CHRM1: variants seen among roughly 807,000 people sequenced by gnomAD.
CHRM1 encodes the protein muscarinic acetylcholine receptor M1.
In CHRM1, 5 loss-of-function variants were observed where a neutral mutation model predicts 31.6. The observed-to-expected ratio is 0.16, with a 90% CI of 0.08 to 0.33. The LOEUF (loss-of-function observed/expected upper bound fraction) is 0.33. CHRM1 is among the 10% of genes least tolerant of loss of function. CHRM1 has a pLI of 1.00. For missense variants in CHRM1, 338 were observed against 610.3 expected, an observed-to-expected ratio of 0.55 and a Z score of 4.70; for synonymous variants, 227 against 249.7, an observed-to-expected ratio of 0.91 and a Z score of 0.86.
chr11:62,911,981 C>T (rs936894558), intron 1 of CHRM1, among the ~76,000 whole-genome samples: 2 of 151,942 alleles, frequency 1.3e-5, no homozygotes, highest in African/African-American at 4.8e-5. Context: ...GGTTTACATA[C>T]GTATGTAGGG....
At chr11:62,913,818 G>A (rs2085885735) in intron 1 of CHRM1, among the ~76,000 whole-genome samples, 1 of 152,068 alleles carries the variant, frequency 6.6e-6, no homozygotes, top group Admixed American at 6.5e-5. Flanking sequence ...ATCTTAACAG[G>A]AGCCTAGGAT....
chr11:62,911,283 C>A (rs1274947099), intron 1 of CHRM1, 105 bp from the exon 2 acceptor site: 7 of 618,268 alleles, frequency 1.1e-5, no homozygotes, highest in African/African-American at 3.7e-5. Flanking sequence ...AGCTTCAGAC[C>A]AGATAGCATC....
rs763230269 is a variant in CHRM1 at position 62,910,959 on chromosome 11, T to C, written c.142A>G (p.Ile48Val). 21 of 1,614,006 alleles carry C rather than the reference T, an allele frequency of 1.3e-5. No homozygotes were observed. The highest frequency in any genetic ancestry group is 1.8e-5 in the Non-Finnish European group (21 of 1,180,040). The part of the protein sequence containing the change: ...ATVTGNLLVL[I>V]SFKVNTELKT... ...AGCTCCGTGTTGACCTTGAAAGAGATGAGTACCAGCAGGTTGCCTGTCACT... is the reference window on the plus strand; with the variant it reads ...AGCTCCGTGTTGACCTTGAAAGAGACGAGTACCAGCAGGTTGCCTGTCACT... Residue 48 changes from isoleucine (I) to valine (V), a missense_variant, in exon 2 of 2, where the codon ATC (isoleucine) becomes GTC (valine). Physicochemically the swap from Ile to Val is conservative, Grantham distance 29. Transcript: ENST00000306960. This position sits in a 1 kb window ranked among gnomAD's most constrained non-coding sequence, Gnocchi z 8.7.
In CHRM1 at chr11:62,910,293, G is replaced by C; in HGVS notation, c.808C>G (p.Gln270Glu). 6.2e-7 allele frequency: 1 copy of C among 1,612,740 alleles called. No homozygotes were observed. Among genetic ancestry groups the C allele is most frequent in the African/African-American group, 1.3e-5 (1 of 75,046 alleles). Residue 270 changes from glutamine to glutamate, a missense_variant, in exon 2 of 2, where the codon CAG becomes GAG. Physicochemically the swap from Gln to Glu is conservative, Grantham distance 29 (BLOSUM62 2). Around this residue, in one of 4 missense-constraint regions of CHRM1, gnomAD observed 183 missense variants for 223.4 expected, o/e 0.82. Coordinates refer to ENST00000306960, the MANE Select transcript of CHRM1 (RefSeq NM_000738.3). This position sits in a 1 kb window ranked among gnomAD's most constrained non-coding sequence, Gnocchi z 8.7. ...CRCCRAPRLL[Q>E]AYSWKEEEEE... ...TCTTCTTCCTTCCAGCTGTAGGCCT[G>C]CAGCAGCCTGGGGGCCCGGCAGCAG...
intron 1 of CHRM1, among the ~76,000 whole-genome samples, chr11:62,912,750 G>A (rs890131150): frequency 3.9e-5 from 6 of 152,246 alleles, no homozygotes; most frequent in African/African-American, 1.4e-4. Context: ...GTCCCTTCCT[G>A]CTCTGGGCCT....
intron 1 of CHRM1, among the ~76,000 whole-genome samples, chr11:62,912,830 A>T (rs1194955040): frequency 6.6e-6 from 1 of 152,144 alleles, no homozygotes. Context: ...CAGGGGCTAT[A>T]TTGTTGGGAA....
In CHRM1 at chr11:62,910,903, G is replaced by A. The variant is rs746925143; in HGVS notation, c.198C>T (p.Ser66=). The A allele has an allele frequency of 1.9e-6, 3 of 1,614,212 alleles. 1 individual carries two copies. The highest frequency in any genetic ancestry group is 1.1e-5 in the South Asian group (1 of 91,086). Residue 66 remains serine (S), a synonymous_variant, in exon 2 of 2, where the codon AGC becomes AGT. Transcript: ENST00000306960. This position sits in a 1 kb window ranked among gnomAD's most constrained non-coding sequence, Gnocchi z 8.7. ...CGATGATGAGGTCAGCACAGGCCAG[G>A]CTCAGCAGGAAGTAGTTATTGACTG... is the stretch of plus-strand genomic sequence containing the variant. The part of the protein sequence containing the change: ...LKTVNNYFLL[S]LACADLIIGT...
intron 1 of CHRM1, among the ~76,000 whole-genome samples, chr11:62,913,864 A>C: frequency 6.7e-6 from 1 of 149,566 alleles, no homozygotes; most frequent in South Asian, 2.1e-4. Context: ...TTTTTTTTTG[A>C]GATGGAGTCT....
In CHRM1 at chr11:62,909,716, T is replaced by C. The variant is rs5026237; in HGVS notation, c.*2A>G. ...GGTGGAGGGATGCAGGAGAGGGGAC[T>C]ATCAGCATTGGCGGGAGGGAGTGCG... On this transcript the variant is annotated 3_prime_UTR_variant, in exon 2 of 2. Transcript: ENST00000306960. 9,272 of 1,613,506 alleles carry C rather than the reference T, an allele frequency of 5.7e-3. 272 individuals are homozygous for C. In the African/African-American group the frequency reaches 0.087, roughly 15 times the overall value.
intron 1 of CHRM1, among the ~76,000 whole-genome samples, chr11:62,915,526 A>G (rs868334366): frequency 6.6e-5 from 10 of 152,284 alleles, no homozygotes; most frequent in Middle Eastern, 3.4e-3. Flanking sequence ...AAAAAATATT[A>G]TTATGATATT....
chr11:62,918,990 C>A (rs1191113483), intron 1 of CHRM1, among the ~76,000 whole-genome samples: 3 of 151,840 alleles, frequency 2.0e-5, no homozygotes, highest in Admixed American at 2.0e-4. Context: ...CTGGTAGAGT[C>A]CTGGTTAGGA....
chr11:62,910,451 T>C lies in CHRM1; in HGVS notation c.650A>G (p.Asn217Ser). Residue 217 changes from asparagine to serine, a missense_variant, in exon 2 of 2, where the codon AAC (asparagine) becomes AGC (serine). Asn to Ser is a conservative substitution (Grantham distance 46, BLOSUM62 1). Coordinates refer to ENST00000306960, the MANE Select transcript of CHRM1 (RefSeq NM_000738.3). This position sits in a 1 kb window ranked among gnomAD's most constrained non-coding sequence, Gnocchi z 8.7. ...AAGGGCTGCCAGCTCCCGTGCTCGGTTCTCTGTCTCCCGGTAGATGCGCCA... is the reference window on the plus strand; with the variant it reads ...AAGGGCTGCCAGCTCCCGTGCTCGGCTCTCTGTCTCCCGGTAGATGCGCCA... ...LYWRIYRETE[N>S]RARELAALQG... 1 of 1,613,954 alleles carries C rather than the reference T, an allele frequency of 6.2e-7. No homozygotes were observed. The highest frequency in any genetic ancestry group is 8.5e-7 in the Non-Finnish European group (1 of 1,180,038).
Position 62,910,816 on chromosome 11 carries a change from C to A in CHRM1, c.285G>T (p.Thr95=), listed in dbSNP as rs752034108. 3.1e-6 allele frequency: 5 copies of A among 1,614,162 alleles called. No individual in the cohort carries two copies. The highest frequency in any genetic ancestry group is 2.2e-5 in the East Asian group (1 of 44,880). The change falls in exon 2 of 2, where the codon ACG becomes ACT. Residue 95 remains threonine (T), a synonymous_variant. Coordinates refer to ENST00000306960, the MANE Select transcript of CHRM1 (RefSeq NM_000738.3). The surrounding 1 kb of genome is among the most constrained non-coding windows in gnomAD (Gnocchi z 8.7). ...YLLMGHWALG[T]LACDLWLALD... ...GGGCCAGCCAGAGGTCACAAGCCAG[C>A]GTGCCCAGAGCCCAGTGGCCCATGA... is the stretch of plus-strand genomic sequence containing the variant.
At position 62,910,082 on chromosome 11, in the gene CHRM1, C is replaced by A; in HGVS notation, c.1019G>T (p.Gly340Val). Residue 340 changes from glycine to valine, a missense_variant, in exon 2 of 2, where the codon GGC (glycine) becomes GTC (valine). Gly to Val is a moderately radical substitution (Grantham distance 109, BLOSUM62 -3). Coordinates refer to ENST00000306960, the MANE Select transcript of CHRM1 (RefSeq NM_000738.3). The surrounding 1 kb of genome is among the most constrained non-coding windows in gnomAD (Gnocchi z 8.7). The stretch of plus-strand genomic sequence containing the variant: ...CTGCTCCTTTCCACGGGGCTTCTGG[C>A]CCTTGCCAGCTCGATCACGCCCTTT... ...TKKGRDRAGK[G>V]QKPRGKEQLA... 2 of 1,612,712 alleles carry A rather than the reference C, an allele frequency of 1.2e-6. No individual in the cohort carries two copies. Among genetic ancestry groups the A allele is most frequent in the East Asian group, 4.5e-5 (2 of 44,880 alleles).
Position 62,910,214 on chromosome 11 carries a change from G to C in CHRM1, c.887C>G (p.Pro296Arg). 6.2e-7 allele frequency: 1 copy of C among 1,607,572 alleles called. No homozygotes were observed. ...CATCTTGATCACCACTTCGGAGCCA[G>C]GCTCCTCTCCCTCTGAGGATGTGAG... ...ESLTSSEGEE[P>R]GSEVVIKMPM... Residue 296 changes from proline (P) to arginine (R), a missense_variant, in exon 2 of 2, where the codon CCT (proline) becomes CGT (arginine). Coordinates refer to ENST00000306960, the MANE Select transcript of CHRM1 (RefSeq NM_000738.3). This position sits in a 1 kb window ranked among gnomAD's most constrained non-coding sequence, Gnocchi z 8.7.
In CHRM1 at chr11:62,910,750, C is replaced by G. The variant is rs144752487; in HGVS notation, c.351G>C (p.Leu117=). 2 of 1,614,064 alleles carry G rather than the reference C, an allele frequency of 1.2e-6. No homozygotes were observed. Among genetic ancestry groups the G allele is most frequent in the South Asian group, 2.2e-5 (2 of 91,086 alleles). Residue 117 remains leucine (L), a synonymous_variant, in exon 2 of 2, where the codon CTG becomes CTC. Coordinates refer to ENST00000306960, the MANE Select transcript of CHRM1 (RefSeq NM_000738.3). This position sits in a 1 kb window ranked among gnomAD's most constrained non-coding sequence, Gnocchi z 8.7. ...AGAAGTAGCGGTCAAAGCTGATGAG[C>G]AGCAGATTCATGACGGAGGCATTGC... ...VASNASVMNL[L]LISFDRYFSV... is the part of the protein sequence containing the mutation.
upstream of CHRM1, chr11:62,921,594 G>A (rs565410043): frequency 3.7e-4 from 57 of 152,858 alleles, 1 homozygote; most frequent in South Asian, 9.3e-3. Context: ...TAAAAGTCCC[G>A]GACGGGAGAG....
intron 1 of CHRM1, among the ~76,000 whole-genome samples, chr11:62,911,763 A>C (rs1229718849): frequency 2.0e-5 from 3 of 152,162 alleles, no homozygotes; most frequent in African/African-American, 7.2e-5. Flanking sequence ...GCAAGAACAG[A>C]AATGTGTCCT....
intron 1 of CHRM1, among the ~76,000 whole-genome samples, chr11:62,914,623 C>T (rs1201262565): frequency 1.3e-5 from 2 of 152,164 alleles, no homozygotes; most frequent in Non-Finnish European, 2.9e-5. Flanking sequence ...TAATGCCCAT[C>T]GCTCACAGGG....
Sources: allele counts gnomAD v4.1 joint callset (sites outside exome capture counted in the v4.1 genomes callset), GRCh38; gene constraint gnomAD v4.1.1; regional missense constraint gnomAD v4.1.1; non-coding constraint Gnocchi (gnomAD v3.1); transcripts MANE v1.5; gene names NCBI Gene and HGNC (gene_info 2026-07-23, HGNC 2026-07-21).